KDM1A: variants seen among roughly 807,000 people sequenced by gnomAD.
The protein encoded by KDM1A is lysine-specific histone demethylase 1A.
In KDM1A, 49 loss-of-function variants were observed where a neutral mutation model predicts 109.4. That is an observed-to-expected ratio of 0.45 (90% CI 0.36 to 0.57). The LOEUF (loss-of-function observed/expected upper bound fraction) is 0.57. KDM1A is among the 20% of genes least tolerant of loss of function. The probability of loss-of-function intolerance (pLI) is 0.00; values close to 1 mark genes in which losing one functional copy is unlikely to be tolerated. For synonymous variants in KDM1A, 380 were observed against 415.4 expected, an observed-to-expected ratio of 0.91 and a Z score of 1.04; for missense variants, 668 against 1,116.6, an observed-to-expected ratio of 0.60 and a Z score of 5.73.
At chr1:23,037,997 A>G (rs954116085) in intron 2 of KDM1A, among the ~76,000 whole-genome samples, 1 of 152,242 alleles carries the variant, frequency 6.6e-6, no homozygotes, top group South Asian at 2.1e-4. Context: ...TTTCTCGTCT[A>G]CAAAATGAGA....
At chr1:23,074,619 A>G (rs141372115) in intron 15 of KDM1A, among the ~76,000 whole-genome samples, 8 of 152,274 alleles carry the variant, frequency 5.3e-5, no homozygotes, top group Middle Eastern at 3.4e-3. Context: ...CTTGAAAAGA[A>G]TCTTTGTCTT....
chr1:23,080,283 A>G lies in KDM1A; in HGVS notation c.2170+616A>G, dbSNP rs535303954. 2.1e-3 allele frequency among the ~76,000 whole-genome samples: 326 copies of G among 152,150 alleles called. 4 individuals are homozygous for G. The highest frequency in any genetic ancestry group is 7.2e-3 in the African/African-American group (299 of 41,512). ...TTCACACCCCAGAGCCTCTAACTTC[A>G]CAGAGGGGGAACTTGGCTCCCTGAG... On this transcript the variant is annotated intron_variant, in intron 18 of 20. Coordinates refer to ENST00000400181, the MANE Select transcript of KDM1A (RefSeq NM_001009999.3).
intron 5 of KDM1A, among the ~76,000 whole-genome samples, chr1:23,054,198 G>A (rs1387127686): frequency 1.3e-5 from 2 of 152,118 alleles, no homozygotes; most frequent in African/African-American, 4.8e-5. Context: ...GTAAATGAGT[G>A]TTATAACTAC....
intron 4 of KDM1A, among the ~76,000 whole-genome samples, chr1:23,053,267 T>G (rs1642724675): frequency 6.6e-6 from 1 of 152,258 alleles, no homozygotes; most frequent in South Asian, 2.1e-4. Flanking sequence ...CTTCAGTAAT[T>G]TACTTATTTG....
At chr1:23,050,304 G>T (rs557455499) in intron 3 of KDM1A, 83 bp from the exon 4 acceptor site, 4 of 1,419,876 alleles carry the variant, frequency 2.8e-6, no homozygotes. Context: ...GTCTGTGAGT[G>T]AGGCAAAGGA....
intron 10 of KDM1A, among the ~76,000 whole-genome samples, chr1:23,068,273 A>T (rs531909699): frequency 2.0e-5 from 3 of 152,254 alleles, no homozygotes; most frequent in African/African-American, 7.2e-5. Context: ...ACCAGTGTAA[A>T]TCTTGTGGCT....
rs1643689774 is a variant in KDM1A, at chr1:23,083,656, T to TTTA, written c.*293_*294insTAT. 1.2e-5 allele frequency: 3 copies of TTTA among 240,822 alleles called. No homozygotes were observed. Among genetic ancestry groups the TTTA allele is most frequent in the East Asian group, 8.1e-5 (1 of 12,414 alleles). 14.9% of individuals were successfully genotyped at this position (240,822 alleles called of 1,614,324 possible). On this transcript the variant is annotated 3_prime_UTR_variant, in exon 21 of 21. Coordinates refer to ENST00000400181, the MANE Select transcript of KDM1A (RefSeq NM_001009999.3). Reference sequence around the variant, plus strand: ...GGTGTGTGGGGTTTTTGTTTTTTTTTTATATTTTGAGAATAAAACTTCATA... The same window carrying TTTA: ...GGTGTGTGGGGTTTTTGTTTTTTTTTTTATATATTTTGAGAATAAAACTTCATA...
intron 2 of KDM1A, among the ~76,000 whole-genome samples, chr1:23,042,744 G>A (rs1276456299): frequency 1.1e-4 from 15 of 138,784 alleles, no homozygotes; most frequent in South Asian, 4.7e-4. Context: ...GAGCCACCGC[G>A]CCCGGCCTAT....
In KDM1A at chr1:23,063,207, T is replaced by A. The variant is rs930148870; in HGVS notation, c.1168-2853T>A. Among the ~76,000 whole-genome samples the A allele has an allele frequency of 5.2e-4, 15 of 28,584 alleles. 3 individuals are homozygous for A. Among genetic ancestry groups the A allele is most frequent in the South Asian group, 9.8e-4 (1 of 1,020 alleles). The allele number at this position is 28,584 out of a possible 152,430, so 18.8% of individuals were successfully genotyped here. ...CAGTGCTGTAGCATTGGGGGGGGGG[T>A]GTGGTGTGGGGTGGGTGTGTGTGGG... On this transcript the variant is annotated intron_variant, in intron 9 of 20. Coordinates refer to ENST00000400181, the MANE Select transcript of KDM1A (RefSeq NM_001009999.3).
intron 9 of KDM1A, chr1:23,059,436 T>C: frequency 2.2e-6 from 1 of 465,110 alleles, no homozygotes. Context: ...AGTTAATCTT[T>C]TTATTTGGCT....
At chr1:23,042,183 T>C (rs1642355909) in intron 2 of KDM1A, among the ~76,000 whole-genome samples, 1 of 152,120 alleles carries the variant, frequency 6.6e-6, no homozygotes, top group African/African-American at 2.4e-5. Flanking sequence ...TTTATCTAAG[T>C]TTTTAGTGGT....
intron 14 of KDM1A, among the ~76,000 whole-genome samples, chr1:23,072,606 T>C (rs1159741578): frequency 6.6e-6 from 1 of 152,242 alleles, no homozygotes; most frequent in Non-Finnish European, 1.5e-5. Flanking sequence ...GCATCCAGCC[T>C]CCACATAAAT....
intron 9 of KDM1A, among the ~76,000 whole-genome samples, chr1:23,061,442 T>C (rs974352070): frequency 2.6e-5 from 4 of 152,186 alleles, no homozygotes; most frequent in African/African-American, 7.2e-5. Context: ...CTCTGATCTG[T>C]ATAGGATTTT....
At chr1:23,023,298 C>T (rs1641696935) in intron 1 of KDM1A, among the ~76,000 whole-genome samples, 1 of 152,192 alleles carries the variant, frequency 6.6e-6, no homozygotes, top group South Asian at 2.1e-4. Context: ...TATCCAATGT[C>T]ACGAGGATTT....
intron 4 of KDM1A, among the ~76,000 whole-genome samples, chr1:23,052,846 A>G (rs1277312617): frequency 6.6e-6 from 1 of 151,688 alleles, no homozygotes; most frequent in Non-Finnish European, 1.5e-5. Flanking sequence ...CTCTTGCCCT[A>G]TTTTTTCCTC....
At chr1:23,044,522 A>C in intron 3 of KDM1A, 36 bp downstream of exon 3, 1 of 1,548,854 alleles carries the variant, frequency 6.5e-7, no homozygotes, top group Non-Finnish European at 8.7e-7. Context: ...ACTTAGTAGC[A>C]AGAGCCGCCA....
chr1:23,030,067 T>C (rs778072405), intron 1 of KDM1A, among the ~76,000 whole-genome samples: 1 of 152,240 alleles, frequency 6.6e-6, no homozygotes, highest in Non-Finnish European at 1.5e-5. Flanking sequence ...GAGTAGTAGT[T>C]AGAAGCACAG....
chr1:23,057,590 T>G (rs758625128), intron 8 of KDM1A, 25 bp downstream of exon 8: 1 of 1,538,148 alleles, frequency 6.5e-7, no homozygotes, highest in South Asian at 1.1e-5. Context: ...GTTTGTGCTA[T>G]ATAGTACATG....
chr1:23,048,228 A>G (rs946899468), intron 3 of KDM1A, among the ~76,000 whole-genome samples: 1 of 151,952 alleles, frequency 6.6e-6, no homozygotes, highest in Non-Finnish European at 1.5e-5. Context: ...AATGTGAGTT[A>G]TTTTTAGTCT....
Sources: allele counts gnomAD v4.1 joint callset (sites outside exome capture counted in the v4.1 genomes callset), GRCh38; gene constraint gnomAD v4.1.1; transcripts MANE v1.5; gene names NCBI Gene and HGNC (gene_info 2026-07-23, HGNC 2026-07-21).